Variants in ZFP62 observed in about 807,000 individuals in gnomAD.
ZFP62 encodes zinc finger protein 62 homolog.
A neutral mutation model predicts 56.4 loss-of-function variants in ZFP62; 44 were observed. The ratio of observed to expected loss-of-function variants is 0.78; its 90% CI spans 0.61 to 1.00. The LOEUF is 1.00. ZFP62 is among the 50% of genes least tolerant of loss of function. The pLI, the probability that ZFP62 is intolerant of heterozygous loss-of-function variation, is 0.00. For synonymous variants in ZFP62, 421 were observed against 388.9 expected, an observed-to-expected ratio of 1.08 and a Z score of -0.97; for missense variants, 1,030 against 1,085.7, an observed-to-expected ratio of 0.95 and a Z score of 0.72.
At chr5:180,838,864 T>G in the ZFP62 span, among the ~76,000 whole-genome samples, 2 of 152,244 alleles carry the variant, frequency 1.3e-5, no homozygotes, top group South Asian at 4.1e-4. Context: ...GAGAGCAATT[T>G]TCCAGTATGT....
the ZFP62 span, among the ~76,000 whole-genome samples, chr5:180,827,783 T>C: frequency 5.9e-5 from 9 of 152,306 alleles, no homozygotes; most frequent in South Asian, 8.3e-4. Flanking sequence ...CCCTGGGCAA[T>C]GGAATGTCTC....
rs1773564163 is a variant in ZFP62, at chr5:180,849,518, G to A, written c.1977C>T (p.Ser659=). ...TATGGATTCTTTTATGAACTTTAAG[G>A]CTTGAGTTGTTTCTGAAGACCTTCT... is the stretch of plus-strand genomic sequence containing the variant. ...RCEKVFRNNS[S]LKVHKRIHTG... is the part of the protein sequence containing the mutation. Residue 659 remains serine (S), a synonymous_variant, in exon 2 of 2, where the codon AGC becomes AGT. Coordinates refer to ENST00000502412, the MANE Select transcript of ZFP62 (RefSeq NM_001172638.2). 5 of 1,551,926 alleles carry A rather than the reference G, an allele frequency of 3.2e-6. No individual in the cohort carries two copies. Among genetic ancestry groups the A allele is most frequent in the Non-Finnish European group, 4.4e-6 (5 of 1,147,094 alleles).
At chr5:180,845,827 G>GCATTGCA (rs1773399622), downstream of ZFP62, 1 of 985,440 alleles carries the variant, frequency 1.0e-6, no homozygotes, top group Non-Finnish European at 1.2e-6. Flanking sequence ...AAATTCCCCT[G>GCATTGCA]CATTGCAGGA....
chr5:180,828,223 C>T, the ZFP62 span, among the ~76,000 whole-genome samples: 2 of 152,216 alleles, frequency 1.3e-5, no homozygotes, highest in Non-Finnish European at 2.9e-5. Context: ...AGGGGCAACC[C>T]ACCCCTTCAA....
chr5:180,837,231 A>G, the ZFP62 span, among the ~76,000 whole-genome samples: 4 of 152,214 alleles, frequency 2.6e-5, no homozygotes, highest in Non-Finnish European at 4.4e-5. Flanking sequence ...CTGAAGATGA[A>G]TCCAACAGCA....
rs573672449 is a variant in ZFP62 at position 180,859,609 on chromosome 5, G to A, written c.1+1610C>T. 5.3e-5 allele frequency among the ~76,000 whole-genome samples: 8 copies of A among 152,304 alleles called. No individual in the cohort carries two copies. In the East Asian group the frequency reaches 1.2e-3, roughly 22 times the overall value. On this transcript the variant is annotated intron_variant, in intron 1 of 1. Coordinates refer to ENST00000502412, the MANE Select transcript of ZFP62 (RefSeq NM_001172638.2). ...AGTGGAGAAGAGATTTCTAGTTGTC[G>A]TAGGGGAGGAGGTGAGCAAAGGCGA...
chr5:180,855,423 A>G (rs1490234133), intron 1 of ZFP62, among the ~76,000 whole-genome samples: 1 of 152,086 alleles, frequency 6.6e-6, no homozygotes, highest in Non-Finnish European at 1.5e-5. Flanking sequence ...CACGCAGACC[A>G]CACTGCATTA....
intron 1 of ZFP62, among the ~76,000 whole-genome samples, chr5:180,856,405 T>C (rs1490864491): frequency 2.6e-5 from 4 of 152,264 alleles, no homozygotes; most frequent in African/African-American, 9.6e-5. Flanking sequence ...TGCTAAAACA[T>C]AAAGACAATA....
chr5:180,830,748 A>G, the ZFP62 span: 2 of 152,328 alleles, frequency 1.3e-5, no homozygotes, highest in African/African-American at 2.4e-5. Context: ...CAGCTAAAGC[A>G]GTAACAGCAG....
In ZFP62 at chr5:180,849,140, ATAGGGTTTC is replaced by A; in HGVS notation, c.2346_2354del (p.Glu782_Tyr785delinsAsp). On this transcript the variant is annotated inframe_deletion, in exon 2 of 2. Transcript: ENST00000502412. ...ATGCCTTCCCACACTCATCACATTCATAGGGTTTCTCACCTGTGTGGATCCTTTTATGCA... is the reference window on the plus strand; with the variant it reads ...ATGCCTTCCCACACTCATCACATTCATCACCTGTGTGGATCCTTTTATGCA... The A allele has an allele frequency of 6.4e-7, 1 of 1,562,776 alleles. No individual in the cohort carries two copies. The highest frequency in any genetic ancestry group is 1.2e-5 in the South Asian group (1 of 84,784).
Position 180,849,599 on chromosome 5 carries a change from A to T in ZFP62, c.1896T>A (p.Leu632=). Residue 632 remains leucine, a synonymous_variant, in exon 2 of 2, where the codon CTT becomes CTA. Transcript: ENST00000502412. ...CEKSFNYTSL[L]SQHRRVHTRE... ...TAGTGTGGACCCTTCTGTGCTGAGA[A>T]AGGAGCGATGTGTAATTAAAAGATT... 1.3e-6 allele frequency: 2 copies of T among 1,552,012 alleles called. No individual in the cohort carries two copies. The highest frequency in any genetic ancestry group is 1.7e-6 in the Non-Finnish European group (2 of 1,147,072).
the ZFP62 span, among the ~76,000 whole-genome samples, chr5:180,840,957 A>G: frequency 3.1e-4 from 47 of 152,196 alleles, no homozygotes; most frequent in East Asian, 1.9e-3. Context: ...CCAGAAAAAG[A>G]AGGACGCTGG....
intron 1 of ZFP62, among the ~76,000 whole-genome samples, chr5:180,854,288 A>G (rs538993162): frequency 2.3e-3 from 344 of 152,342 alleles, no homozygotes; most frequent in Non-Finnish European, 3.0e-3. Flanking sequence ...CCAGTGTTCA[A>G]GCACCGTAAT....
chr5:180,843,113 A>G (rs940784588), downstream of ZFP62, among the ~76,000 whole-genome samples: 4 of 150,848 alleles, frequency 2.7e-5, no homozygotes, highest in Non-Finnish European at 3.0e-5. Flanking sequence ...GAAAATAATA[A>G]CATATTTTAA....
intron 1 of ZFP62, among the ~76,000 whole-genome samples, chr5:180,857,864 A>G (rs139022692): frequency 0.016 from 2,397 of 151,852 alleles, 31 homozygotes; most frequent in Middle Eastern, 0.061. Context: ...GGAATTTAAA[A>G]TATTTCAATC....
downstream of ZFP62, among the ~76,000 whole-genome samples, chr5:180,844,988 C>A (rs575757332): frequency 2.3e-4 from 35 of 152,230 alleles, no homozygotes; most frequent in African/African-American, 7.5e-4. Flanking sequence ...ATGTTTCCAA[C>A]CCTCATTACA....
chr5:180,851,319 T>A lies in ZFP62; in HGVS notation c.176A>T (p.Asn59Ile). ...GCTGCTTTTGTCCTCCTTCATCCTG[T>A]TTTCCACAGGCTTTTTCTGTTGATT... ...VENQQKKPVE[N>I]RMKEDKSSIR... is the part of the protein sequence containing the mutation. The change falls in exon 2 of 2, where the codon AAC becomes ATC. Residue 59 changes from asparagine to isoleucine, a missense_variant. By Grantham distance (149) the Asn-to-Ile change is moderately radical (BLOSUM62 -3). Coordinates refer to ENST00000502412, the MANE Select transcript of ZFP62 (RefSeq NM_001172638.2). The A allele has an allele frequency of 6.4e-7, 1 of 1,551,708 alleles. No homozygotes were observed.
intron 1 of ZFP62, among the ~76,000 whole-genome samples, chr5:180,854,111 G>T (rs1045535065): frequency 2.6e-5 from 4 of 151,984 alleles, no homozygotes; most frequent in Admixed American, 1.3e-4. Flanking sequence ...CCCCATTCTG[G>T]GTCTACTATT....
chr5:180,846,933 G>C (rs747969341), downstream of ZFP62, among the ~76,000 whole-genome samples: 12 of 152,170 alleles, frequency 7.9e-5, no homozygotes, highest in Non-Finnish European at 1.2e-4. Context: ...AGTATGATCA[G>C]AACAGTCCAA....
Sources: allele counts gnomAD v4.1 joint callset (sites outside exome capture counted in the v4.1 genomes callset), GRCh38; gene constraint gnomAD v4.1.1; transcripts MANE v1.5; gene names NCBI Gene and HGNC (gene_info 2026-07-23, HGNC 2026-07-21).